Variants in TIAM1 observed in about 807,000 individuals in gnomAD.
The protein encoded by TIAM1 is TIAM Rac1 associated GEF 1.
Under a neutral mutation model 163.5 loss-of-function variants are expected in TIAM1, and 65 were observed. The observed-to-expected ratio is 0.40, with a 90% confidence interval of 0.33 to 0.49. The LOEUF (loss-of-function observed/expected upper bound fraction) is 0.49, where lower values mean the gene tolerates loss of function less well. TIAM1 is among the 20% of genes least tolerant of loss of function. The pLI, the probability that TIAM1 is intolerant of heterozygous loss-of-function variation, is 0.77. For missense variants in TIAM1, 1,789 were observed against 2,044.7 expected (o/e 0.87, Z 2.41); for synonymous variants, 833 against 810.1 (o/e 1.03, Z -0.48).
chr21:31,143,250 T>TCTGGATGACTTTCCC (rs2082940715), intron 20 of TIAM1, among the ~76,000 whole-genome samples: 1 of 152,122 alleles, frequency 6.6e-6, no homozygotes. Flanking sequence ...TTCACATTCA[T>TCTGGATGACTTTCCC]CTGGATGACT....
intron 5 of TIAM1, among the ~76,000 whole-genome samples, chr21:31,248,652 T>C (rs1423868374): frequency 6.6e-6 from 1 of 152,228 alleles, no homozygotes; most frequent in Non-Finnish European, 1.5e-5. Flanking sequence ...CTGCTTTTTA[T>C]TTCCCAATAT....
chr21:31,213,969 T>A (rs1446922656), intron 9 of TIAM1, among the ~76,000 whole-genome samples: 2 of 150,040 alleles, frequency 1.3e-5, no homozygotes, highest in Admixed American at 6.6e-5. Context: ...GATCACAAGA[T>A]CACATCACTG....
chr21:31,365,830 C>T (rs1434324335), intron 2 of TIAM1, among the ~76,000 whole-genome samples: 1 of 151,670 alleles, frequency 6.6e-6, no homozygotes, highest in Non-Finnish European at 1.5e-5. Flanking sequence ...AGGCCGGGCA[C>T]GGAGGCTTAT....
intron 2 of TIAM1, among the ~76,000 whole-genome samples, chr21:31,303,967 G>A (rs1338376614): frequency 6.6e-6 from 1 of 152,148 alleles, no homozygotes; most frequent in Non-Finnish European, 1.5e-5. Flanking sequence ...AACAGAGTGA[G>A]ACGCCATCTC....
At chr21:31,532,937 AAAAT>A (rs2048017394) in intron 1 of TIAM1, among the ~76,000 whole-genome samples, 1 of 152,168 alleles carries the variant, frequency 6.6e-6, no homozygotes, top group Admixed American at 6.5e-5. Flanking sequence ...CAAAGAGAAA[AAAAT>A]AAATAAATAT....
At chr21:31,498,067 G>A (rs1034526942) in intron 1 of TIAM1, among the ~76,000 whole-genome samples, 2 of 152,190 alleles carry the variant, frequency 1.3e-5, no homozygotes, top group Admixed American at 6.5e-5. Flanking sequence ...AAAGCCCTCA[G>A]GAGGATATCC....
At chr21:31,310,370 C>T (rs1204264263) in intron 2 of TIAM1, among the ~76,000 whole-genome samples, 1 of 152,162 alleles carries the variant, frequency 6.6e-6, no homozygotes, top group Non-Finnish European at 1.5e-5. Context: ...GCAGTCCCCT[C>T]CCACAGCCAG....
intron 6 of TIAM1, among the ~76,000 whole-genome samples, chr21:31,236,402 G>A (rs924750159): frequency 2.6e-5 from 4 of 152,106 alleles, no homozygotes; most frequent in African/African-American, 7.2e-5. Flanking sequence ...TACGGTGTGG[G>A]GAAAACAGGA....
At chr21:31,424,634 G>C (rs1346278180) in intron 2 of TIAM1, among the ~76,000 whole-genome samples, 1 of 152,196 alleles carries the variant, frequency 6.6e-6, no homozygotes, top group African/African-American at 2.4e-5. Context: ...CAGGGGCTGG[G>C]GGAGCAGAGG....
At chr21:31,530,298 TCAC>T (rs1018255838) in intron 1 of TIAM1, among the ~76,000 whole-genome samples, 3 of 152,234 alleles carry the variant, frequency 2.0e-5, no homozygotes, top group Non-Finnish European at 4.4e-5. Context: ...TTTAACCCTC[TCAC>T]CACCACTTTT....
At chr21:31,557,456 C>T (rs531317354) in intron 1 of TIAM1, among the ~76,000 whole-genome samples, 1 of 152,290 alleles carries the variant, frequency 6.6e-6, no homozygotes, top group East Asian at 1.9e-4. Flanking sequence ...GAGGTTATTC[C>T]TTATCCCCAC....
chr21:31,339,506 A>AT, intron 1 of TIAM1, 84 bp from the exon 2 acceptor site: 1 of 397,958 alleles, frequency 2.5e-6, no homozygotes, highest in Non-Finnish European at 4.4e-6. Flanking sequence ...CCTCAGAAAC[A>AT]TTAACGTGAT....
intron 1 of TIAM1, among the ~76,000 whole-genome samples, chr21:31,493,550 A>C (rs1402726195): frequency 6.6e-6 from 1 of 152,204 alleles, no homozygotes. Context: ...AACAATGTAG[A>C]GTATCAAGAT....
intron 1 of TIAM1, among the ~76,000 whole-genome samples, chr21:31,519,582 C>T (rs2047509333): frequency 6.6e-6 from 1 of 150,872 alleles, no homozygotes; most frequent in East Asian, 1.9e-4. Flanking sequence ...AGTAAACACC[C>T]AAAAGAAAGC....
At chr21:31,295,076 C>A (rs1453661304) in intron 2 of TIAM1, among the ~76,000 whole-genome samples, 1 of 152,206 alleles carries the variant, frequency 6.6e-6, no homozygotes, top group East Asian at 1.9e-4. Context: ...TTCAACTCAA[C>A]CCCATTCACT....
At chr21:31,291,555 G>A (rs187295912) in intron 2 of TIAM1, among the ~76,000 whole-genome samples, 18 of 152,076 alleles carry the variant, frequency 1.2e-4, no homozygotes, top group African/African-American at 3.4e-4. Flanking sequence ...ATGGAGTCTC[G>A]CTCTGTCGCC....
intron 2 of TIAM1, among the ~76,000 whole-genome samples, chr21:31,291,982 C>A (rs1004229423): frequency 4.6e-5 from 7 of 152,154 alleles, no homozygotes; most frequent in Non-Finnish European, 1.5e-5. Flanking sequence ...GATGATCCAC[C>A]ACTTAGGGTC....
chr21:31,509,757 A>G (rs2047150260), intron 1 of TIAM1, among the ~76,000 whole-genome samples: 1 of 152,120 alleles, frequency 6.6e-6, no homozygotes, highest in African/African-American at 2.4e-5. Context: ...TGCAACAAAG[A>G]CGGGGCTGCA....
intron 1 of TIAM1, among the ~76,000 whole-genome samples, chr21:31,522,804 C>T (rs2147499429): frequency 6.6e-6 from 1 of 152,266 alleles, no homozygotes; most frequent in Admixed American, 6.5e-5. Flanking sequence ...TAGTGATGAC[C>T]AGGAAGTTTC....
Sources: gnomAD v4.1 joint callset for allele counts (sites outside exome capture counted in the v4.1 genomes callset) on GRCh38, gnomAD v4.1.1 for gene constraint, MANE v1.5 for transcripts, NCBI Gene and HGNC (gene_info 2026-07-23, HGNC 2026-07-21) for gene names.